KLRG1: variants seen among roughly 807,000 people sequenced by gnomAD.
KLRG1 encodes killer cell lectin-like receptor subfamily G member 1.
In KLRG1, 16 loss-of-function variants were observed where a neutral mutation model predicts 21.8. That is an observed-to-expected ratio of 0.73 (90% CI 0.50 to 1.11). The LOEUF is 1.11. Among genes scored for constraint, KLRG1 ranks in the 50% most tolerant of loss-of-function variants. The pLI is 0.00. For missense variants in KLRG1, 173 were observed against 218.3 expected, an observed-to-expected ratio of 0.79 and a Z score of 1.31; for synonymous variants, 69 against 75.9, an observed-to-expected ratio of 0.91 and a Z score of 0.47.
the KLRG1 span, chr12:9,091,135 C>A: frequency 6.5e-7 from 1 of 1,549,140 alleles, no homozygotes; most frequent in African/African-American, 1.4e-5. Context: ...TGCAGTATTC[C>A]TAGGAATGCA....
chr12:8,956,548 T>C (rs1433875342), intron 1 of KLRG1, among the ~76,000 whole-genome samples: 1 of 152,044 alleles, frequency 6.6e-6, no homozygotes, highest in East Asian at 1.9e-4. Context: ...CAGGTTCAAG[T>C]GATTCTCCTG....
In KLRG1 at chr12:8,969,276, T is replaced by A. The variant is rs1176175071; in HGVS notation, c.-156+19040T>A. Among the ~76,000 whole-genome samples, 3 of 152,046 alleles carry A rather than the reference T, an allele frequency of 2.0e-5. No homozygotes were observed. In the East Asian group the frequency reaches 5.8e-4, roughly 29 times the overall value. The stretch of plus-strand genomic sequence containing the variant: ...CTAGTTCCAAAGTGGAGTGTGAAAA[T>A]GGTGAGTTGTTTACATGCAGTGGCC... On this transcript the variant is annotated intron_variant, in intron 1 of 4. Coordinates refer to the KLRG1 transcript ENST00000539240.
intron 1 of KLRG1, among the ~76,000 whole-genome samples, chr12:8,957,523 GT>G (rs145465908): frequency 6.7e-6 from 1 of 150,238 alleles, no homozygotes; most frequent in African/African-American, 2.5e-5. Flanking sequence ...TTGTTTGTTT[GT>G]TTTGTTTTGT....
At chr12:9,001,377 A>G (rs1489040383) in intron 3 of KLRG1, among the ~76,000 whole-genome samples, 1 of 152,118 alleles carries the variant, frequency 6.6e-6, no homozygotes, top group Non-Finnish European at 1.5e-5. Flanking sequence ...CTTTCTGTGT[A>G]TTGGCTGAAA....
the KLRG1 span, among the ~76,000 whole-genome samples, chr12:9,034,844 G>A: frequency 6.6e-6 from 1 of 152,166 alleles, no homozygotes; most frequent in East Asian, 1.9e-4. Flanking sequence ...CCTTCAGGAG[G>A]TTTTCCAGAA....
At chr12:9,120,056 A>G in the KLRG1 span, among the ~76,000 whole-genome samples, 2 of 152,224 alleles carry the variant, frequency 1.3e-5, no homozygotes, top group Non-Finnish European at 2.9e-5. Flanking sequence ...TTAATGGGGT[A>G]GTTTCATACA....
intron 1 of KLRG1, among the ~76,000 whole-genome samples, chr12:8,978,777 C>T (rs1946706455): frequency 7.4e-6 from 1 of 135,362 alleles, no homozygotes; most frequent in Non-Finnish European, 1.6e-5. Flanking sequence ...TGCAGTGGCA[C>T]ATTCCTGCCT....
chr12:9,171,103 G>T, the KLRG1 span, among the ~76,000 whole-genome samples: 1 of 152,194 alleles, frequency 6.6e-6, no homozygotes, highest in Non-Finnish European at 1.5e-5. Context: ...ATGTGGGCTG[G>T]CAACAAGTTA....
At chr12:8,974,352 A>G (rs1946622180) in intron 1 of KLRG1, among the ~76,000 whole-genome samples, 1 of 151,982 alleles carries the variant, frequency 6.6e-6, no homozygotes. Context: ...TATTTTTAGT[A>G]GAGACGGGGT....
chr12:9,150,520 T>A, the KLRG1 span: 1 of 653,404 alleles, frequency 1.5e-6, no homozygotes, highest in Non-Finnish European at 2.6e-6. Flanking sequence ...TTTTATAGTG[T>A]ACATCTTGGA....
At chr12:9,118,867 C>G in the KLRG1 span, among the ~76,000 whole-genome samples, 1 of 152,124 alleles carries the variant, frequency 6.6e-6, no homozygotes, top group African/African-American at 2.4e-5. Flanking sequence ...ATTGGGCAAG[C>G]TGATGCCATG....
chr12:9,208,619 C>A, the KLRG1 span, among the ~76,000 whole-genome samples: 1 of 152,148 alleles, frequency 6.6e-6, no homozygotes, highest in African/African-American at 2.4e-5. Flanking sequence ...CAGCAAACCT[C>A]CTGATAAGGA....
At chr12:9,099,605 G>A in the KLRG1 span, 2 of 1,460,368 alleles carry the variant, frequency 1.4e-6, no homozygotes, top group Non-Finnish European at 1.8e-6. Flanking sequence ...ATAATAAACA[G>A]TAGATGTAAC....
the KLRG1 span, chr12:9,157,430 A>C: frequency 2.9e-6 from 4 of 1,362,856 alleles, no homozygotes; most frequent in Non-Finnish European, 2.0e-6. Flanking sequence ...GGATATTGAC[A>C]GTCAGATGTT....
the KLRG1 span, chr12:9,162,671 G>T: frequency 6.4e-7 from 1 of 1,559,890 alleles, no homozygotes; most frequent in Non-Finnish European, 8.8e-7. Flanking sequence ...GAAAGAAAAG[G>T]AGAAAAGATA....
At chr12:9,191,323 C>G in the KLRG1 span, among the ~76,000 whole-genome samples, 1 of 152,034 alleles carries the variant, frequency 6.6e-6, no homozygotes, top group Non-Finnish European at 1.5e-5. Flanking sequence ...GGGGTCCATT[C>G]TCCATATCTA....
chr12:8,982,182 C>T (rs771289525), intron 1 of KLRG1, among the ~76,000 whole-genome samples: 3 of 152,180 alleles, frequency 2.0e-5, no homozygotes, highest in South Asian at 2.1e-4. Context: ...GGTTTGTTCA[C>T]GTGGGTTCAA....
the KLRG1 span, chr12:9,089,215 G>T: frequency 6.3e-7 from 1 of 1,589,840 alleles, no homozygotes; most frequent in Non-Finnish European, 8.6e-7. Flanking sequence ...GGACAAAGTA[G>T]GGAGTTGAAT....
At chr12:8,954,210 G>C (rs1373204788) in intron 1 of KLRG1, among the ~76,000 whole-genome samples, 2 of 152,058 alleles carry the variant, frequency 1.3e-5, no homozygotes, top group African/African-American at 4.8e-5. Context: ...TATGATATCG[G>C]TTGTATGTGG....
Sources: allele counts gnomAD v4.1 joint callset (sites outside exome capture counted in the v4.1 genomes callset), GRCh38; gene constraint gnomAD v4.1.1; transcripts MANE v1.5; gene names NCBI Gene and HGNC (gene_info 2026-07-23, HGNC 2026-07-21).